TNIK: variants seen among roughly 807,000 people sequenced by gnomAD.
The protein encoded by TNIK is TRAF2 and NCK interacting kinase, also known as TRAF2 and NCK-interacting protein kinase.
In TNIK, 49 loss-of-function variants were observed where a neutral mutation model predicts 191.3. The ratio of observed to expected loss-of-function variants is 0.26; its 90% CI spans 0.20 to 0.32. TNIK has a LOEUF of 0.32. TNIK is among the 10% of genes least tolerant of loss of function. TNIK has a pLI of 1.00. For synonymous variants in TNIK, 594 were observed against 600.9 expected, an observed-to-expected ratio of 0.99 and a Z score of 0.17; for missense variants, 1,155 against 1,702.3, an observed-to-expected ratio of 0.68 and a Z score of 5.66.
intron 2 of TNIK, among the ~76,000 whole-genome samples, chr3:171,289,901 C>CAAA (rs143704401): frequency 5.1e-4 from 40 of 77,824 alleles, no homozygotes; most frequent in African/African-American, 1.4e-3. Flanking sequence ...GACTCCGTCT[C>CAAA]AAAAAAAAAA....
At chr3:171,355,960 G>A (rs532388878) in intron 2 of TNIK, among the ~76,000 whole-genome samples, 2 of 152,132 alleles carry the variant, frequency 1.3e-5, no homozygotes, top group South Asian at 4.2e-4. Flanking sequence ...TAAGCAACTT[G>A]CTACAATGCC....
intron 1 of TNIK, among the ~76,000 whole-genome samples, chr3:171,416,501 C>T (rs530204371): frequency 3.6e-4 from 55 of 151,744 alleles, no homozygotes; most frequent in African/African-American, 1.1e-3. Context: ...GCTAGAAAAT[C>T]GAAAAACTAG....
At chr3:171,240,769 CTCT>C (rs1744867511) in intron 2 of TNIK, among the ~76,000 whole-genome samples, 1 of 152,180 alleles carries the variant, frequency 6.6e-6, no homozygotes, top group African/African-American at 2.4e-5. Flanking sequence ...TCCACTTTAA[CTCT>C]TATTATCCTC....
At chr3:171,191,718 CATT>C (rs1738090209) in intron 5 of TNIK, among the ~76,000 whole-genome samples, 1 of 152,174 alleles carries the variant, frequency 6.6e-6, no homozygotes, top group South Asian at 2.1e-4. Context: ...ACTTTGTGCT[CATT>C]ATGTGAGAAT....
intron 2 of TNIK, among the ~76,000 whole-genome samples, chr3:171,306,628 T>C (rs945875318): frequency 1.3e-5 from 2 of 152,180 alleles, no homozygotes; most frequent in African/African-American, 4.8e-5. Flanking sequence ...TCTTAAACGT[T>C]TGGATTCCTT....
At chr3:171,072,333 A>G (rs1719291498) in intron 28 of TNIK, among the ~76,000 whole-genome samples, 1 of 152,154 alleles carries the variant, frequency 6.6e-6, no homozygotes, top group African/African-American at 2.4e-5. Flanking sequence ...TTGCTTTATA[A>G]CTTTTCATGA....
intron 2 of TNIK, among the ~76,000 whole-genome samples, chr3:171,294,159 G>A (rs1368556442): frequency 6.6e-6 from 1 of 151,922 alleles, no homozygotes; most frequent in African/African-American, 2.4e-5. Flanking sequence ...AACCAGGGAG[G>A]TGGAGGTTGC....
chr3:171,139,429 G>A lies in TNIK; in HGVS notation c.1419+41C>T, dbSNP rs372321602. On this transcript the variant is annotated intron_variant, in intron 14 of 32. Coordinates refer to ENST00000436636, the MANE Select transcript of TNIK (RefSeq NM_015028.4). ...ACACACACACAAACACTTGCAAGAT[G>A]AACACAGAGCAGGTCAGCTGGTTCT... 1,245 of 1,478,194 alleles carry A rather than the reference G, an allele frequency of 8.4e-4. 2 individuals carry two copies. Among genetic ancestry groups the A allele is most frequent in the Non-Finnish European group, 9.7e-4 (1,040 of 1,067,912 alleles). The allele number at this position is 1,478,194 out of a possible 1,614,324, so 91.6% of individuals were successfully genotyped here.
intron 12 of TNIK, among the ~76,000 whole-genome samples, chr3:171,145,088 C>CTT (rs71176594): frequency 4.5e-5 from 6 of 132,640 alleles, no homozygotes; most frequent in South Asian, 2.4e-4. Flanking sequence ...CTATCTCTCT[C>CTT]TTTTTTTTTT....
intron 2 of TNIK, among the ~76,000 whole-genome samples, chr3:171,306,184 G>T (rs1406816592): frequency 2.6e-5 from 4 of 152,064 alleles, no homozygotes; most frequent in African/African-American, 9.7e-5. Context: ...GATGGAAAGA[G>T]GGGAACAACA....
chr3:171,210,017 C>T (rs897675900), intron 4 of TNIK, among the ~76,000 whole-genome samples: 24 of 152,134 alleles, frequency 1.6e-4, no homozygotes, highest in African/African-American at 5.8e-4. Flanking sequence ...ATATAGTAGG[C>T]TCTTGCTAAT....
In TNIK at chr3:171,264,105, CACACACATAT is replaced by C. The variant is rs1300945558; in HGVS notation, c.124-35894_124-35885del. On this transcript the variant is annotated intron_variant, in intron 2 of 32. Coordinates refer to ENST00000436636, the MANE Select transcript of TNIK (RefSeq NM_015028.4). ...ACACACACACACACACACACACACA[CACACACATAT>C]ATATATATATATATATACACCCCTT... Among the ~76,000 whole-genome samples, 329 of 68,498 alleles carry C rather than the reference CACACACATAT, an allele frequency of 4.8e-3. 2 individuals are homozygous for C. The highest frequency in any genetic ancestry group is 0.022 in the African/African-American group (278 of 12,504). The allele number at this position is 68,498 out of a possible 152,430, so 44.9% of individuals were successfully genotyped here.
At chr3:171,168,066 G>T (rs989564568) in intron 9 of TNIK, among the ~76,000 whole-genome samples, 1 of 152,190 alleles carries the variant, frequency 6.6e-6, no homozygotes, top group Non-Finnish European at 1.5e-5. Flanking sequence ...CAGAGACCTG[G>T]CAGGGGAGAG....
chr3:171,419,042 A>C (rs1723427601), intron 1 of TNIK, among the ~76,000 whole-genome samples: 1 of 152,142 alleles, frequency 6.6e-6, no homozygotes, highest in South Asian at 2.1e-4. Context: ...CTCTTCTTAT[A>C]AGTATATTAA....
At position 171,134,802 on chromosome 3, in the gene TNIK, A is replaced by G. The variant is rs57313162; in HGVS notation, c.1608+3389T>C. Among the ~76,000 whole-genome samples, 1,172 of 152,356 alleles carry G rather than the reference A, an allele frequency of 7.7e-3. 25 individuals carry two copies. The highest frequency in any genetic ancestry group is 0.027 in the African/African-American group (1,119 of 41,578). On this transcript the variant is annotated intron_variant, in intron 15 of 32. Coordinates refer to ENST00000436636, the MANE Select transcript of TNIK (RefSeq NM_015028.4). Reference sequence around the variant, plus strand: ...CACTTGTGTTTTACAAAATGAAGAAACAAGAACAGAGAGAACAAAGCAGTA... The same window carrying G: ...CACTTGTGTTTTACAAAATGAAGAAGCAAGAACAGAGAGAACAAAGCAGTA...
intron 5 of TNIK, among the ~76,000 whole-genome samples, 198 bp downstream of exon 5, chr3:171,194,327 G>A (rs561572798): frequency 1.2e-4 from 19 of 152,044 alleles, no homozygotes; most frequent in Admixed American, 4.6e-4. Context: ...CCAGAATGGC[G>A]CTCACTTCCA....
chr3:171,394,030 G>A (rs1423723726), intron 1 of TNIK, among the ~76,000 whole-genome samples: 4 of 152,144 alleles, frequency 2.6e-5, no homozygotes, highest in African/African-American at 4.8e-5. Flanking sequence ...TGCCATGGAC[G>A]AAATGCTTAA....
intron 2 of TNIK, among the ~76,000 whole-genome samples, chr3:171,346,328 C>T (rs1012638740): frequency 6.6e-6 from 1 of 152,160 alleles, no homozygotes; most frequent in African/African-American, 2.4e-5. Flanking sequence ...ATTATGTAAC[C>T]TTGTGCCCTA....
At chr3:171,151,347 A>G (rs1003257615) in intron 12 of TNIK, among the ~76,000 whole-genome samples, 5 of 152,252 alleles carry the variant, frequency 3.3e-5, no homozygotes, top group Non-Finnish European at 7.3e-5. Flanking sequence ...AAAGAAGCTT[A>G]CCTATTTACA....
Sources: gnomAD v4.1 joint callset for allele counts (sites outside exome capture counted in the v4.1 genomes callset) on GRCh38, gnomAD v4.1.1 for gene constraint, MANE v1.5 for transcripts, NCBI Gene and HGNC (gene_info 2026-07-23, HGNC 2026-07-21) for gene names.